CBFA2T2: variants seen among roughly 807,000 people sequenced by gnomAD.
CBFA2T2 encodes the protein protein CBFA2T2.
In CBFA2T2, 11 loss-of-function variants were observed where a neutral mutation model predicts 62.2. That is an observed-to-expected ratio of 0.18 (90% confidence interval 0.11 to 0.29). CBFA2T2 has a LOEUF of 0.29. CBFA2T2 is among the 10% of genes least tolerant of loss of function. CBFA2T2 has a pLI of 1.00. For synonymous variants in CBFA2T2, 295 were observed against 287.5 expected (o/e 1.03, Z -0.27); for missense variants, 592 against 774.1 (o/e 0.76, Z 2.79).
intron 1 of CBFA2T2, among the ~76,000 whole-genome samples, chr20:33,526,370 A>G (rs1275482604): frequency 2.0e-5 from 3 of 152,352 alleles, no homozygotes; most frequent in Admixed American, 1.3e-4. Context: ...AGAGGCTCAC[A>G]GGAACCTAAC....
intron 6 of CBFA2T2, among the ~76,000 whole-genome samples, chr20:33,626,136 A>C (rs146391871): frequency 7.2e-5 from 11 of 152,288 alleles, no homozygotes; most frequent in African/African-American, 2.4e-4. Context: ...ACAAACAAAA[A>C]AAATGAGGCA....
At chr20:33,525,242 A>G (rs561216882) in intron 1 of CBFA2T2, among the ~76,000 whole-genome samples, 28 of 151,138 alleles carry the variant, frequency 1.9e-4, no homozygotes, top group African/African-American at 4.6e-4. Flanking sequence ...CTGGAGTGCA[A>G]TGGCACAATC....
In CBFA2T2 at chr20:33,514,538, G is replaced by A. The variant is rs578126669; in HGVS notation, c.34+24237G>A. On this transcript the variant is annotated intron_variant, in intron 1 of 10. Coordinates refer to ENST00000342704, the MANE Select transcript of CBFA2T2 (RefSeq NM_001032999.3). Reference sequence around the variant, plus strand: ...GCATGGCTGGAGCAGGGGATGGAGCGAAAAGCTGATGTCAGGGAGGTAGAT... The same window carrying A: ...GCATGGCTGGAGCAGGGGATGGAGCAAAAAGCTGATGTCAGGGAGGTAGAT... Among the ~76,000 whole-genome samples, 7 of 152,008 alleles carry A rather than the reference G, an allele frequency of 4.6e-5. No homozygotes were observed. In the South Asian group the frequency reaches 6.3e-4, roughly 14 times the overall value.
intron 1 of CBFA2T2, among the ~76,000 whole-genome samples, chr20:33,584,698 A>G (rs911109432): frequency 9.2e-5 from 14 of 152,142 alleles, no homozygotes; most frequent in South Asian, 2.1e-4. Context: ...TTATAACCAT[A>G]ATATATTTTG....
intron 1 of CBFA2T2, among the ~76,000 whole-genome samples, chr20:33,546,753 C>G (rs888449714): frequency 1.3e-5 from 2 of 152,044 alleles, no homozygotes; most frequent in Non-Finnish European, 2.9e-5. Flanking sequence ...CCTCAGCTTC[C>G]TAAAGTGTTG....
intron 10 of CBFA2T2, among the ~76,000 whole-genome samples, chr20:33,641,586 T>G (rs765540737): frequency 2.0e-5 from 3 of 152,196 alleles, no homozygotes; most frequent in Non-Finnish European, 4.4e-5. Context: ...CCGGCTGTCT[T>G]TGGGACATTC....
At chr20:33,532,304 G>A (rs1568804004) in intron 1 of CBFA2T2, among the ~76,000 whole-genome samples, 1 of 152,188 alleles carries the variant, frequency 6.6e-6, no homozygotes, top group Non-Finnish European at 1.5e-5. Flanking sequence ...GTGTAATTCT[G>A]TCAAAGGTAC....
Position 33,625,081 on chromosome 20 carries a change from A to G in CBFA2T2, c.946+64A>G. 5 of 1,481,646 alleles carry G rather than the reference A, an allele frequency of 3.4e-6. No individual in the cohort carries two copies. The South Asian group carries it at 3.8e-5, about 11-fold the overall frequency. The allele number at this position is 1,481,646 out of a possible 1,614,324, so 91.8% of individuals were successfully genotyped here. On this transcript the variant is annotated intron_variant, in intron 6 of 10. Coordinates refer to ENST00000342704, the MANE Select transcript of CBFA2T2 (RefSeq NM_001032999.3). ...TCTTGGATTTCTTTCCAACTCAATG[A>G]TAAAGTCAAATAATATGATTGCTTT...
At chr20:33,530,123 C>T (rs1568802940) in intron 1 of CBFA2T2, among the ~76,000 whole-genome samples, 1 of 151,966 alleles carries the variant, frequency 6.6e-6, no homozygotes, top group Non-Finnish European at 1.5e-5. Context: ...TCAGGTCTCC[C>T]TGTGTTGTCC....
At position 33,645,438 on chromosome 20, in the gene CBFA2T2, T is replaced by A. The variant is rs972951128; in HGVS notation, c.*792T>A. On this transcript the variant is annotated 3_prime_UTR_variant, in exon 11 of 11. Transcript: ENST00000342704. ...GAATGAGGCTCAGTTGTGGATAGTC[T>A]GTTTTCTCTGAGCATGTTGGCCAAC... The A allele has an allele frequency of 6.6e-6, 1 of 152,218 alleles. No homozygotes were observed. Among genetic ancestry groups the A allele is most frequent in the African/African-American group, 2.4e-5 (1 of 41,462 alleles). 9.4% of individuals were successfully genotyped at this position (152,218 alleles called of 1,614,324 possible).
In CBFA2T2 at chr20:33,646,767, A is replaced by G. The variant is rs1476070462; in HGVS notation, c.*2121A>G. ...TCCTAGCTACTCAGGAGGCTGAGGC[A>G]AGAGAATCTCTTGAACCTGTGAGCC... is the stretch of plus-strand genomic sequence containing the variant. On this transcript the variant is annotated 3_prime_UTR_variant, in exon 11 of 11. Coordinates refer to ENST00000342704, the MANE Select transcript of CBFA2T2 (RefSeq NM_001032999.3). The G allele has an allele frequency of 2.0e-5, 3 of 151,942 alleles. No individual in the cohort carries two copies. Among genetic ancestry groups the G allele is most frequent in the African/African-American group, 2.4e-5 (1 of 41,352 alleles). The allele number at this position is 151,942 out of a possible 1,614,324, so 9.4% of individuals were successfully genotyped here.
chr20:33,614,954 A>G (rs1025205782), intron 3 of CBFA2T2, among the ~76,000 whole-genome samples: 1 of 152,200 alleles, frequency 6.6e-6, no homozygotes, highest in Non-Finnish European at 1.5e-5. Context: ...TAGGCCTACT[A>G]TGTTAACTCT....
At chr20:33,562,718 T>C (rs1045331216) in intron 1 of CBFA2T2, 1 of 969,530 alleles carries the variant, frequency 1.0e-6, no homozygotes, top group African/African-American at 1.8e-5. Flanking sequence ...AGTGCACAAT[T>C]CTCTGCCTTT....
At chr20:33,601,895 C>T (rs1229451444) in intron 1 of CBFA2T2, 3 of 151,904 alleles carry the variant, frequency 2.0e-5, no homozygotes, top group Admixed American at 6.6e-5. Flanking sequence ...GCCTCGACCT[C>T]CTGGACTCAG....
chr20:33,528,297 C>T (rs2011943998), intron 1 of CBFA2T2, among the ~76,000 whole-genome samples: 1 of 152,160 alleles, frequency 6.6e-6, no homozygotes, highest in Non-Finnish European at 1.5e-5. Context: ...CCTGTGAACT[C>T]AGGTAACTAA....
At chr20:33,562,483 G>A in intron 1 of CBFA2T2, 4 of 985,904 alleles carry the variant, frequency 4.1e-6, no homozygotes, top group Non-Finnish European at 4.8e-6. Context: ...AATGGGACAG[G>A]CAGCTCTAGT....
At chr20:33,599,669 A>G (rs1169330007) in intron 1 of CBFA2T2, among the ~76,000 whole-genome samples, 3 of 151,474 alleles carry the variant, frequency 2.0e-5, no homozygotes, top group Non-Finnish European at 4.4e-5. Flanking sequence ...GCTCACCGCA[A>G]CCTCCACCTC....
At chr20:33,598,125 A>C (rs2014966954) in intron 1 of CBFA2T2, among the ~76,000 whole-genome samples, 1 of 152,224 alleles carries the variant, frequency 6.6e-6, no homozygotes, top group Non-Finnish European at 1.5e-5. Context: ...GAGGCAGGGC[A>C]AGATCACAGG....
intron 8 of CBFA2T2, among the ~76,000 whole-genome samples, chr20:33,632,843 C>T (rs1266928540): frequency 2.0e-5 from 3 of 152,164 alleles, no homozygotes; most frequent in African/African-American, 4.8e-5. Context: ...TCTTGCCTCA[C>T]TGCTCCCCAG....
Sources: gnomAD v4.1 joint callset for allele counts (sites outside exome capture counted in the v4.1 genomes callset) on GRCh38, gnomAD v4.1.1 for gene constraint, MANE v1.5 for transcripts, NCBI Gene and HGNC (gene_info 2026-07-23, HGNC 2026-07-21) for gene names.